DNAH9: variants seen among roughly 807,000 people sequenced by gnomAD.
DNAH9 encodes DNAH9 variant protein.
DNAH9 carries 345 observed loss-of-function variants against 471.6 expected under a neutral mutation model. That is an observed-to-expected ratio of 0.73 (90% CI 0.67 to 0.80). The LOEUF (loss-of-function observed/expected upper bound fraction) is 0.80, where lower values mean the gene tolerates loss of function less well. Ranked by LOEUF, DNAH9 falls within the 30% of genes least tolerant of loss-of-function variation. The pLI is 0.00. For missense variants in DNAH9, 5,407 were observed against 5,609.2 expected (o/e 0.96, Z 1.15); for synonymous variants, 2,093 against 2,123.6 (o/e 0.99, Z 0.40).
intron 15 of DNAH9, among the ~76,000 whole-genome samples, chr17:11,665,241 G>A (rs1329865176): frequency 6.6e-6 from 1 of 152,188 alleles, no homozygotes; most frequent in East Asian, 1.9e-4. Flanking sequence ...TCTAAATCAA[G>A]CTTCAGTAAA....
rs1250346337 is a variant in DNAH9 at position 11,891,773 on chromosome 17, C to T, written c.11113-4C>T. 3 of 1,613,768 alleles carry T rather than the reference C, an allele frequency of 1.9e-6. No individual in the cohort carries two copies. In the African/African-American group the frequency reaches 4.0e-5, roughly 22 times the overall value. On this transcript the variant is annotated splice_region_variant and splice_polypyrimidine_tract_variant and intron_variant, in intron 57 of 68. Transcript: ENST00000262442. The stretch of plus-strand genomic sequence containing the variant: ...CTTACCAGTTTCCTGTCTTCTGTCC[C>T]CAGGCCTTCAGTATCGTCTTCCAGA...
At position 11,694,352 on chromosome 17, in the gene DNAH9, T is replaced by C; in HGVS notation, c.4777T>C (p.Tyr1593His). Residue 1593 changes from tyrosine to histidine, a missense_variant, in exon 22 of 69, where the codon TAC becomes CAC. By Grantham distance (83) the Tyr-to-His change is moderately conservative (BLOSUM62 2). Transcript: ENST00000262442. ...LCLCEKALAE[Y>H]LDTKRLAFPR... ...CCTGTGTGAGAAGGCCCTGGCAGAG[T>C]ACCTCGACACCAAGAGGCTTGCCTT... 1.2e-6 allele frequency: 2 copies of C among 1,613,772 alleles called. No homozygotes were observed. The highest frequency in any genetic ancestry group is 1.7e-6 in the Non-Finnish European group (2 of 1,179,920).
chr17:11,683,467 C>T (rs866645298), intron 19 of DNAH9, among the ~76,000 whole-genome samples: 11 of 152,044 alleles, frequency 7.2e-5, no homozygotes, highest in East Asian at 3.9e-4. Context: ...CCACCACGCC[C>T]GGCCCAACAG....
At position 11,762,770 on chromosome 17, in the gene DNAH9, G is replaced by GTTTGTTTTTTTTT. The variant is rs1193246497; in HGVS notation, c.6996-667_6996-666insGTTTTTTTTTTTT. Among the ~76,000 whole-genome samples the GTTTGTTTTTTTTT allele has an allele frequency of 4.0e-4, 36 of 90,782 alleles. 3 individuals carry two copies. Among genetic ancestry groups the GTTTGTTTTTTTTT allele is most frequent in the Middle Eastern group, 7.1e-3 (1 of 140 alleles). 59.6% of individuals were successfully genotyped at this position (90,782 alleles called of 152,430 possible). On this transcript the variant is annotated intron_variant, in intron 35 of 68. Transcript: ENST00000262442. ...CCTCTTTAGGTGCGTTTTTTTTTTT[G>GTTTGTTTTTTTTT]TTTTTTTTTTTTTTTTTTTTTTTTT...
intron 41 of DNAH9, among the ~76,000 whole-genome samples, chr17:11,789,944 C>T (rs774719743): frequency 1.6e-4 from 24 of 151,940 alleles, no homozygotes; most frequent in Non-Finnish European, 3.1e-4. Flanking sequence ...TTCTTTGACT[C>T]ACGGAATATT....
rs1567799849 is a variant in DNAH9 at position 11,783,756 on chromosome 17, A to G, written c.7821+8A>G. 1 of 1,611,982 alleles carries G rather than the reference A, an allele frequency of 6.2e-7. No homozygotes were observed. The highest frequency in any genetic ancestry group is 1.1e-5 in the South Asian group (1 of 91,028). ...ATCAACCCCCGGCTTCAGGTACAGGAGGAGCCATGGGACCTGGGTCCTAAT... is the reference window on the plus strand; with the variant it reads ...ATCAACCCCCGGCTTCAGGTACAGGGGGAGCCATGGGACCTGGGTCCTAAT... On this transcript the variant is annotated splice_region_variant and intron_variant, in intron 40 of 68. Transcript: ENST00000262442.
At chr17:11,842,145 AG>A (rs1475268223) in intron 49 of DNAH9, among the ~76,000 whole-genome samples, 1 of 152,186 alleles carries the variant, frequency 6.6e-6, no homozygotes, top group African/African-American at 2.4e-5. Flanking sequence ...AGGAGAAGTC[AG>A]GGTCTTCATT....
intron 49 of DNAH9, 107 bp downstream of exon 49, chr17:11,835,005 G>A: frequency 7.0e-7 from 1 of 1,423,752 alleles, no homozygotes; most frequent in Non-Finnish European, 9.4e-7. Context: ...AGAGTTTAGG[G>A]TGGGCTCCAA....
chr17:11,661,377 C>T (rs2073758981), intron 14 of DNAH9, among the ~76,000 whole-genome samples: 1 of 152,026 alleles, frequency 6.6e-6, no homozygotes, highest in Admixed American at 6.5e-5. Context: ...TTAAGTCTAA[C>T]AACTCTGCCT....
chr17:11,657,572 T>C (rs1187316453), intron 14 of DNAH9, among the ~76,000 whole-genome samples: 1 of 152,076 alleles, frequency 6.6e-6, no homozygotes, highest in Non-Finnish European at 1.5e-5. Flanking sequence ...ATTTCCCTTT[T>C]CTCCTCTTGT....
rs778352816 is a variant in DNAH9, at chr17:11,948,935, C to A, written c.12843+6450C>A. 2.0e-5 allele frequency among the ~76,000 whole-genome samples: 3 copies of A among 152,182 alleles called. No individual in the cohort carries two copies. The East Asian group carries it at 5.8e-4, about 29-fold the overall frequency. On this transcript the variant is annotated intron_variant, in intron 67 of 68. Transcript: ENST00000262442. ...CCCCTGGCCCTCTGTGGACTGAACG[C>A]CCGCTGCATGACCGTGAGCCCAGGG...
intron 44 of DNAH9, among the ~76,000 whole-genome samples, chr17:11,808,138 C>G (rs1402926682): frequency 6.6e-6 from 1 of 152,158 alleles, no homozygotes; most frequent in African/African-American, 2.4e-5. Flanking sequence ...TCTGTGGGGC[C>G]TCCACTCTTG....
At position 11,769,200 on chromosome 17, in the gene DNAH9, A is replaced by G. The variant is rs745458350; in HGVS notation, c.7423A>G (p.Met2475Val). ...GTTGATGGCGCGGCAGCGGCCTGTC[A>G]TGCTGGTGGGCACGGCTGGCACTGG... ...ERLMARQRPV[M>V]LVGTAGTGKS... The change falls in exon 38 of 69, where the codon ATG (methionine) becomes GTG (valine). Residue 2475 changes from methionine (M) to valine (V), a missense_variant. Around this residue, in one of 3 missense-constraint regions of DNAH9, gnomAD observed 4,636 missense variants for 4,900.3 expected, o/e 0.95. Coordinates refer to ENST00000262442, the MANE Select transcript of DNAH9 (RefSeq NM_001372.4). The G allele has an allele frequency of 1.9e-6, 3 of 1,614,186 alleles. No individual in the cohort carries two copies. The highest frequency in any genetic ancestry group is 2.5e-6 in the Non-Finnish European group (3 of 1,180,040).
intron 26 of DNAH9, among the ~76,000 whole-genome samples, chr17:11,712,518 A>T (rs572061684): frequency 4.6e-5 from 7 of 152,200 alleles, no homozygotes; most frequent in African/African-American, 1.4e-4. Context: ...AAGTGGCTGC[A>T]CCATTTTACA....
rs2150970469 is a variant in DNAH9 at position 11,854,183 on chromosome 17, A to T, written c.9688A>T (p.Lys3230Ter). ...GFLDSLINFN[K>*]ENIHENCLKA... ...CCTGGACTCGCTAATAAACTTCAAC[A>T]AAGAGAACATTCACGAGAACTGCCT... is the stretch of plus-strand genomic sequence containing the variant. Residue 3230 changes from lysine to a stop codon, truncating the protein, a stop_gained, in exon 50 of 69, where the codon AAA becomes TAA. Coordinates refer to ENST00000262442, the MANE Select transcript of DNAH9 (RefSeq NM_001372.4). LOFTEE classifies it high-confidence loss of function. 1 of 1,614,158 alleles carries T rather than the reference A, an allele frequency of 6.2e-7. No homozygotes were observed. Among genetic ancestry groups the T allele is most frequent in the Non-Finnish European group, 8.5e-7 (1 of 1,180,044 alleles).
At chr17:11,644,456 A>T (rs750997636) in intron 10 of DNAH9, among the ~76,000 whole-genome samples, 175 bp from the exon 11 acceptor site, 1 of 152,144 alleles carries the variant, frequency 6.6e-6, no homozygotes, top group African/African-American at 2.4e-5. Context: ...GGAAGTGCAG[A>T]TGCCCTCTAG....
At chr17:11,957,504 C>G (rs1462896203) in intron 67 of DNAH9, among the ~76,000 whole-genome samples, 1 of 149,258 alleles carries the variant, frequency 6.7e-6, no homozygotes, top group Non-Finnish European at 1.5e-5. Context: ...CCTCAGGACC[C>G]AAGAAGGGAC....
intron 12 of DNAH9, among the ~76,000 whole-genome samples, chr17:11,648,750 A>G (rs1165535979): frequency 6.6e-6 from 1 of 152,192 alleles, no homozygotes; most frequent in African/African-American, 2.4e-5. Flanking sequence ...ATGGGGGACA[A>G]CTACAAGCTT....
At chr17:11,823,852 C>T (rs2150942988) in intron 48 of DNAH9, among the ~76,000 whole-genome samples, 1 of 151,830 alleles carries the variant, frequency 6.6e-6, no homozygotes, top group Admixed American at 6.6e-5. Flanking sequence ...ATCACTTGAA[C>T]CCAGGTGGCG....
Sources: allele counts gnomAD v4.1 joint callset (sites outside exome capture counted in the v4.1 genomes callset), GRCh38; gene constraint gnomAD v4.1.1; regional missense constraint gnomAD v4.1.1; transcripts MANE v1.5; gene names NCBI Gene and HGNC (gene_info 2026-07-23, HGNC 2026-07-21).